Variants in SETX observed in about 807,000 individuals in gnomAD.
SETX encodes helicase senataxin.
SETX carries 90 observed loss-of-function variants against 227.2 expected under a neutral mutation model. The observed-to-expected ratio is 0.40, with a 90% CI of 0.33 to 0.47. The LOEUF is 0.47. SETX is among the 20% of genes least tolerant of loss of function. The pLI is 0.91. For missense variants in SETX, 3,052 were observed against 3,181.5 expected (o/e 0.96, Z 0.98); for synonymous variants, 1,210 against 1,113.2 (o/e 1.09, Z -1.73).
At position 132,296,667 on chromosome 9, in the gene SETX, G is replaced by A. The variant is rs58808218; in HGVS notation, c.5949+220C>T. On this transcript the variant is annotated intron_variant, in intron 14 of 25. Transcript: ENST00000224140. ...TGAAGACCATCATTCTAGTCCTTAC[G>A]ATTTGTTTCACATAAGATAGTGGTT... Among the ~76,000 whole-genome samples the A allele has an allele frequency of 0.086, 13,005 of 151,764 alleles. 840 individuals carry two copies. The highest frequency in any genetic ancestry group is 0.18 in the African/African-American group (7,357 of 41,370).
At chr9:132,338,639 A>G (rs770447639) in intron 5 of SETX, among the ~76,000 whole-genome samples, 2 of 152,228 alleles carry the variant, frequency 1.3e-5, no homozygotes, top group Non-Finnish European at 2.9e-5. Flanking sequence ...TGATCATTAA[A>G]TAGAAAACAT....
At position 132,327,301 on chromosome 9, in the gene SETX, T is replaced by C. The variant is rs1038733632; in HGVS notation, c.4297A>G (p.Thr1433Ala). ...TGGTTCAAAGGGCAAGCATCATCAGTTGCTGGAGACCCATGTTTTGCTTTT... is the reference window on the plus strand; with the variant it reads ...TGGTTCAAAGGGCAAGCATCATCAGCTGCTGGAGACCCATGTTTTGCTTTT... Reference protein sequence around the residue: ...TIKAKHGSPATDDACPLNQCD... With the variant: ...TIKAKHGSPAADDACPLNQCD... The change falls in exon 10 of 26, where the codon ACT (threonine) becomes GCT (alanine). Residue 1433 changes from threonine (T) to alanine (A), a missense_variant. By Grantham distance (58) the Thr-to-Ala change is moderately conservative (BLOSUM62 0). This residue lies in a region of SETX where 1,483 missense variants were observed against 1,312.0 expected (regional missense o/e 1.13). Coordinates refer to ENST00000224140, the MANE Select transcript of SETX (RefSeq NM_015046.7). 8 of 1,614,126 alleles carry C rather than the reference T, an allele frequency of 5.0e-6. No individual in the cohort carries two copies. The highest frequency in any genetic ancestry group is 2.2e-5 in the East Asian group (1 of 44,896).
intron 25 of SETX, 63 bp downstream of exon 25, chr9:132,269,552 A>G: frequency 2.5e-6 from 4 of 1,610,832 alleles, no homozygotes; most frequent in Non-Finnish European, 3.4e-6. Flanking sequence ...ATGGAAAATA[A>G]GAACAAAAAC....
intron 12 of SETX, 57 bp downstream of exon 12, chr9:132,300,573 G>C: frequency 6.5e-7 from 1 of 1,547,104 alleles, no homozygotes; most frequent in South Asian, 1.1e-5. Flanking sequence ...TTGAGAAGTA[G>C]ATTATTAGAT....
At position 132,329,997 on chromosome 9, in the gene SETX, G is replaced by A. The variant is rs745307149; in HGVS notation, c.1601C>T (p.Ala534Val). 1.9e-6 allele frequency: 3 copies of A among 1,614,094 alleles called. No individual in the cohort carries two copies. Among genetic ancestry groups the A allele is most frequent in the Non-Finnish European group, 2.5e-6 (3 of 1,179,924 alleles). Residue 534 changes from alanine (A) to valine (V), a missense_variant, in exon 10 of 26, where the codon GCT becomes GTT. Ala to Val is a moderately conservative substitution (Grantham distance 64). Transcript: ENST00000224140. ...HSMPSNSVQLAYVQLIRSLLK... is the reference protein window; with the variant it reads ...HSMPSNSVQLVYVQLIRSLLK... ...GAGACTTCTAATCAGCTGCACATAA[G>A]CAAGTTGTACAGAGTTAGATGGCAT...
chr9:132,342,478 A>T (rs1028184293), intron 5 of SETX, among the ~76,000 whole-genome samples: 5 of 152,198 alleles, frequency 3.3e-5, no homozygotes, highest in Non-Finnish European at 7.3e-5. Context: ...GTCTTTTAAG[A>T]TCAAGCATCA....
intron 2 of SETX, among the ~76,000 whole-genome samples, chr9:132,350,644 AATTG>A (rs1370686081): frequency 2.0e-5 from 3 of 152,218 alleles, no homozygotes; most frequent in Admixed American, 2.0e-4. Context: ...TTGTCATATG[AATTG>A]ATTTTTTAAA....
At chr9:132,355,183 C>A (rs1335948945), upstream of SETX, among the ~76,000 whole-genome samples, 1 of 152,098 alleles carries the variant, frequency 6.6e-6, no homozygotes, top group African/African-American at 2.4e-5. Context: ...GCAGCTGGGG[C>A]CCGACCAATC....
At chr9:132,272,909 A>G (rs1165183595) in intron 23 of SETX, among the ~76,000 whole-genome samples, 1 of 152,210 alleles carries the variant, frequency 6.6e-6, no homozygotes, top group African/African-American at 2.4e-5. Context: ...ATTGATCTAC[A>G]GATGTAATCC....
In SETX at chr9:132,328,664, G is replaced by C. The variant is rs144154512; in HGVS notation, c.2934C>G (p.Ser978=). Residue 978 remains serine (S), a synonymous_variant, in exon 10 of 26, where the codon TCC becomes TCG. Transcript: ENST00000224140. ...GCTGCGATGAGTTCTGAGGTGAATC[G>C]GATGGGAACGTAATAACACTGGCTT... ...LAQASVITFP[S]DSPQNSSQLQ... 1.9e-6 allele frequency: 3 copies of C among 1,613,252 alleles called. No individual in the cohort carries two copies. The highest frequency in any genetic ancestry group is 2.5e-6 in the Non-Finnish European group (3 of 1,179,654).
At chr9:132,287,198 T>G (rs1433700248) in intron 17 of SETX, among the ~76,000 whole-genome samples, 1 of 152,150 alleles carries the variant, frequency 6.6e-6, no homozygotes, top group Non-Finnish European at 1.5e-5. Flanking sequence ...ATAAGCCAAA[T>G]GCAAGGCCAT....
At chr9:132,277,607 C>T (rs756825406) in intron 21 of SETX, among the ~76,000 whole-genome samples, 15 of 151,998 alleles carry the variant, frequency 9.9e-5, no homozygotes, top group Non-Finnish European at 1.3e-4. Context: ...AGCGAAACCC[C>T]GTTTCTACAA....
chr9:132,329,575 T>C lies in SETX; in HGVS notation c.2023A>G (p.Lys675Glu). 6.2e-7 allele frequency: 1 copy of C among 1,613,620 alleles called. No homozygotes were observed. The highest frequency in any genetic ancestry group is 8.5e-7 in the Non-Finnish European group (1 of 1,179,952). The change falls in exon 10 of 26, where the codon AAG (lysine) becomes GAG (glutamate). Residue 675 changes from lysine to glutamate, a missense_variant. By Grantham distance (56) the Lys-to-Glu change is moderately conservative. Coordinates refer to ENST00000224140, the MANE Select transcript of SETX (RefSeq NM_015046.7). ...AGATGGTCCTCTAGTTTCACATCCT[T>C]TATATAATTTTGCTCATTATTGTCA... ...EGDNNEQNYI[K>E]DVKLEDHLLA...
chr9:132,310,738 CAT>C (rs2131350797), intron 11 of SETX, among the ~76,000 whole-genome samples: 1 of 152,322 alleles, frequency 6.6e-6, no homozygotes, highest in African/African-American at 2.4e-5. Flanking sequence ...TCCACTAATT[CAT>C]AGATTCTTCT....
At chr9:132,352,156 G>C (rs1464860741) in intron 2 of SETX, among the ~76,000 whole-genome samples, 1 of 152,090 alleles carries the variant, frequency 6.6e-6, no homozygotes, top group African/African-American at 2.4e-5. Flanking sequence ...CACTGAATGT[G>C]AAGTCCCTAA....
chr9:132,323,704 C>A (rs997099467), intron 10 of SETX, among the ~76,000 whole-genome samples: 1 of 152,086 alleles, frequency 6.6e-6, no homozygotes, highest in African/African-American at 2.4e-5. Flanking sequence ...TAGTTTGAGA[C>A]CAGCCTAGGC....
At chr9:132,284,909 C>T (rs932933050) in intron 18 of SETX, among the ~76,000 whole-genome samples, 5 of 150,946 alleles carry the variant, frequency 3.3e-5, no homozygotes, top group South Asian at 2.1e-4. Context: ...GACGGAGTCT[C>T]GCTCTGTCAC....
chr9:132,311,156 G>A (rs1243192821), intron 11 of SETX, among the ~76,000 whole-genome samples: 2 of 152,022 alleles, frequency 1.3e-5, no homozygotes, highest in African/African-American at 2.4e-5. Flanking sequence ...TAGTAGAAAC[G>A]GGGTTTCACC....
At chr9:132,273,743 AAGAG>A (rs1217452938) in intron 23 of SETX, among the ~76,000 whole-genome samples, 1 of 152,114 alleles carries the variant, frequency 6.6e-6, no homozygotes, top group African/African-American at 2.4e-5. Flanking sequence ...GCCACCTATG[AAGAG>A]AGAGTTTTAC....
Sources: allele counts gnomAD v4.1 joint callset (sites outside exome capture counted in the v4.1 genomes callset), GRCh38; gene constraint gnomAD v4.1.1; regional missense constraint gnomAD v4.1.1; transcripts MANE v1.5; gene names NCBI Gene and HGNC (gene_info 2026-07-23, HGNC 2026-07-21).